Variants in IL5RA observed in about 807,000 individuals in gnomAD.
The protein encoded by IL5RA is interleukin-5 receptor subunit alpha.
A neutral mutation model predicts 50.0 loss-of-function variants in IL5RA; 49 were observed. The observed-to-expected ratio is 0.98, with a 90% CI of 0.78 to 1.24. The LOEUF (loss-of-function observed/expected upper bound fraction) is 1.24. Ranked by LOEUF, IL5RA falls within the 50% of genes most tolerant of loss-of-function variation. The pLI is 0.00. For synonymous variants in IL5RA, 202 were observed against 174.0 expected, an observed-to-expected ratio of 1.16 and a Z score of -1.26; for missense variants, 600 against 500.4, an observed-to-expected ratio of 1.20 and a Z score of -1.90.
In IL5RA at chr3:3,079,660, C is replaced by A. The variant is rs561611713; in HGVS notation, c.995-3033G>T. Among the ~76,000 whole-genome samples, 5 of 152,300 alleles carry A rather than the reference C, an allele frequency of 3.3e-5. No homozygotes were observed. In the South Asian group the frequency reaches 1.0e-3, roughly 32 times the overall value. ...TCCATAGATCCTTCCCCAGCCAGCA[C>A]CTTTTCTAGCACCACTCACTCAGTT... On this transcript the variant is annotated intron_variant, in intron 9 of 11. Transcript: ENST00000446632.
intron 11 of IL5RA, among the ~76,000 whole-genome samples, chr3:3,071,279 C>G (rs1702287914): frequency 6.6e-6 from 1 of 152,040 alleles, no homozygotes; most frequent in Admixed American, 6.6e-5. Context: ...GAGGAGGAAC[C>G]CTCTCTTGGC....
chr3:3,106,283 C>G (rs971346795), intron 2 of IL5RA, among the ~76,000 whole-genome samples: 10 of 152,144 alleles, frequency 6.6e-5, no homozygotes, highest in Admixed American at 6.5e-4. Context: ...AGTAGAACCA[C>G]AGGAGAGACC....
At chr3:3,089,289 A>G (rs187133578) in intron 9 of IL5RA, among the ~76,000 whole-genome samples, 49 of 152,266 alleles carry the variant, frequency 3.2e-4, no homozygotes, top group Non-Finnish European at 5.4e-4. Context: ...AGGGGACGCT[A>G]TTCTCCCTTG....
At chr3:3,077,282 G>C (rs998605706) in intron 9 of IL5RA, among the ~76,000 whole-genome samples, 2 of 152,316 alleles carry the variant, frequency 1.3e-5, no homozygotes, top group Non-Finnish European at 1.5e-5. Flanking sequence ...ACATTTAAGG[G>C]ACAGATTCTT....
In IL5RA at chr3:3,092,396, T is replaced by G; in HGVS notation, c.856-34A>C. The stretch of plus-strand genomic sequence containing the variant: ...GGAAAGATAGCATTAGAAGAATCTC[T>G]AGACACCTAATTTAGTTCTGCCGAT... On this transcript the variant is annotated intron_variant, in intron 8 of 11. Coordinates refer to ENST00000446632, the MANE Select transcript of IL5RA (RefSeq NM_175726.4). This position sits in a 1 kb window ranked among gnomAD's most constrained non-coding sequence, Gnocchi z 4.2. The G allele has an allele frequency of 1.2e-6, 2 of 1,600,488 alleles. No homozygotes were observed. The highest frequency in any genetic ancestry group is 1.7e-6 in the Non-Finnish European group (2 of 1,172,324).
At chr3:3,090,325 C>T in intron 9 of IL5RA, 2 of 1,136,118 alleles carry the variant, frequency 1.8e-6, no homozygotes, top group Non-Finnish European at 2.6e-6. Flanking sequence ...GAATGTTAAA[C>T]CTGGGCTTTC....
intron 9 of IL5RA, among the ~76,000 whole-genome samples, chr3:3,085,108 T>C (rs1424510641): frequency 6.6e-6 from 1 of 152,134 alleles, no homozygotes; most frequent in Non-Finnish European, 1.5e-5. Flanking sequence ...TGGGAACAAA[T>C]GGTGGGGCTG....
At position 3,070,046 on chromosome 3, in the gene IL5RA, G is replaced by A. The variant is rs1702245321; in HGVS notation, c.*179C>T. The A allele has an allele frequency of 5.4e-6, 3 of 556,132 alleles. No individual in the cohort carries two copies. The Admixed American group carries it at 9.6e-5, about 18-fold the overall frequency. The allele number at this position is 556,132 out of a possible 1,614,324, so 34.4% of individuals were successfully genotyped here. On this transcript the variant is annotated 3_prime_UTR_variant, in exon 12 of 12. Transcript: ENST00000446632. ...TTCCCTGCTGTAGGTGAGGCGATTT[G>A]GATGAAGCATCCATACTTTTAAGAG... is the stretch of plus-strand genomic sequence containing the variant.
chr3:3,068,764 C>CT lies in IL5RA; in HGVS notation c.*1460dup, dbSNP rs1435568027. 4 of 152,174 alleles carry CT rather than the reference C, an allele frequency of 2.6e-5. No individual in the cohort carries two copies. The highest frequency in any genetic ancestry group is 9.7e-5 in the African/African-American group (4 of 41,412). The allele number at this position is 152,174 out of a possible 1,614,324, so 9.4% of individuals were successfully genotyped here. On this transcript the variant is annotated 3_prime_UTR_variant, in exon 12 of 12. Coordinates refer to ENST00000446632, the MANE Select transcript of IL5RA (RefSeq NM_175726.4). ...ACTCCTCTGCACATTTCTGGGGTCA[C>CT]TTTTACCTGAGCCTGGTATTCAACT...
chr3:3,084,086 T>C (rs569532067), intron 9 of IL5RA, among the ~76,000 whole-genome samples: 272 of 150,524 alleles, frequency 1.8e-3, no homozygotes, highest in African/African-American at 6.3e-3. Flanking sequence ...TTAGTCCTGG[T>C]TCTGCCACTT....
intron 2 of IL5RA, chr3:3,105,367 G>A (rs1288487786): frequency 6.4e-6 from 1 of 156,158 alleles, no homozygotes; most frequent in Admixed American, 6.5e-5. Context: ...AGCTGGAAGA[G>A]AAGGAAACAA....
At position 3,068,599 on chromosome 3, in the gene IL5RA, A is replaced by AAAAAC. The variant is rs1559856710; in HGVS notation, c.*1625_*1626insGTTTT. The AAAAAC allele has an allele frequency of 3.9e-5, 5 of 129,642 alleles. No homozygotes were observed. The highest frequency in any genetic ancestry group is 1.5e-4 in the African/African-American group (5 of 33,974). 8.0% of individuals were successfully genotyped at this position (129,642 alleles called of 1,614,324 possible). A position where few individuals can be genotyped will look rare whatever the true frequency, so the allele number is the denominator to read the frequency against. ...ACCACCCACCCCACAAAAAAAAAAA[A>AAAAAC]AAAAAAAAACAAAAACAGGTTTGAG... On this transcript the variant is annotated 3_prime_UTR_variant, in exon 12 of 12. Coordinates refer to ENST00000446632, the MANE Select transcript of IL5RA (RefSeq NM_175726.4).
chr3:3,071,245 A>T lies in IL5RA; in HGVS notation c.1177-934T>A, dbSNP rs146894586. ...TCCTGCCTTTATCCATTTTACTGTT[A>T]ATAGTTTACGGGCAACCTAATTGGA... On this transcript the variant is annotated intron_variant, in intron 11 of 11. Transcript: ENST00000446632. Among the ~76,000 whole-genome samples the T allele has an allele frequency of 4.0e-3, 615 of 152,318 alleles. 4 individuals are homozygous for T. The highest frequency in any genetic ancestry group is 0.013 in the African/African-American group (554 of 41,570).
At chr3:3,087,954 G>C (rs545722392) in intron 9 of IL5RA, among the ~76,000 whole-genome samples, 1 of 152,260 alleles carries the variant, frequency 6.6e-6, no homozygotes, top group Non-Finnish European at 1.5e-5. Flanking sequence ...AAACTGAGCA[G>C]AGGAGTAAAT....
rs1702200490 is a variant in IL5RA at position 3,068,607 on chromosome 3, A to C, written c.*1618T>G. 1.8e-5 allele frequency: 1 copy of C among 55,918 alleles called. No individual in the cohort carries two copies. 3.5% of individuals were successfully genotyped at this position (55,918 alleles called of 1,614,324 possible). A position where few individuals can be genotyped will look rare whatever the true frequency, so the allele number is the denominator to read the frequency against. ...CCCCACAAAAAAAAAAAAAAAAAAA[A>C]ACAAAAACAGGTTTGAGATTATGAA... On this transcript the variant is annotated 3_prime_UTR_variant, in exon 12 of 12. Coordinates refer to ENST00000446632, the MANE Select transcript of IL5RA (RefSeq NM_175726.4).
chr3:3,100,044 T>A (rs1192373687), intron 5 of IL5RA, among the ~76,000 whole-genome samples: 1 of 152,236 alleles, frequency 6.6e-6, no homozygotes, highest in African/African-American at 2.4e-5. Context: ...AAGGCTTGTT[T>A]TCATTTCAAC....
intron 5 of IL5RA, among the ~76,000 whole-genome samples, chr3:3,100,100 A>G (rs1371053735): frequency 6.6e-6 from 1 of 152,214 alleles, no homozygotes; most frequent in Non-Finnish European, 1.5e-5. Flanking sequence ...ACACTGTGGG[A>G]AACACTGGCC....
intron 10 of IL5RA, among the ~76,000 whole-genome samples, chr3:3,075,542 C>T (rs1192463283): frequency 6.6e-6 from 1 of 151,824 alleles, no homozygotes; most frequent in Admixed American, 6.6e-5. Context: ...CTGCCTTCCC[C>T]CAAACTGTAG....
rs983449254 is a variant in IL5RA, at chr3:3,102,669, A to G, written c.228+6T>C. The G allele has an allele frequency of 4.5e-6, 7 of 1,565,744 alleles. No homozygotes were observed. The highest frequency in any genetic ancestry group is 6.1e-6 in the Non-Finnish European group (7 of 1,146,018). Reference sequence around the variant, plus strand: ...AATAAGGATATCCATTAGAATAAACACTTACGTCATCTTCTTTTGGAGCGT... The same window carrying G: ...AATAAGGATATCCATTAGAATAAACGCTTACGTCATCTTCTTTTGGAGCGT... On this transcript the variant is annotated splice_donor_region_variant and intron_variant, in intron 4 of 11. Transcript: ENST00000446632.
Sources: allele counts gnomAD v4.1 joint callset (sites outside exome capture counted in the v4.1 genomes callset), GRCh38; gene constraint gnomAD v4.1.1; non-coding constraint Gnocchi (gnomAD v3.1); transcripts MANE v1.5; gene names NCBI Gene and HGNC (gene_info 2026-07-23, HGNC 2026-07-21).